The following GRAMD1B variants were observed in gnomAD, a reference collection of about 807,000 sequenced individuals.
The protein encoded by GRAMD1B is GRAM domain containing 1B.
A neutral mutation model predicts 99.7 loss-of-function variants in GRAMD1B; 37 were observed. The observed-to-expected ratio is 0.37, with a 90% CI of 0.29 to 0.49. The LOEUF is 0.49. GRAMD1B is among the 20% of genes least tolerant of loss of function. The pLI is 0.98. For synonymous variants in GRAMD1B, 427 were observed against 387.6 expected (o/e 1.10, Z -1.19); for missense variants, 888 against 1,009.2 (o/e 0.88, Z 1.63).
At chr11:123,480,568 G>C (rs868784755) in intron 1 of GRAMD1B, among the ~76,000 whole-genome samples, 1 of 152,142 alleles carries the variant, frequency 6.6e-6, no homozygotes, top group African/African-American at 2.4e-5. Context: ...GTAGCAGGGC[G>C]AGATGGGCCT....
At chr11:123,432,035 G>A (rs897031764) in intron 1 of GRAMD1B, 8 of 398,504 alleles carry the variant, frequency 2.0e-5, no homozygotes, top group Non-Finnish European at 3.5e-5. Context: ...TCTCTTAATG[G>A]ATTTGTGTTC....
intron 2 of GRAMD1B, among the ~76,000 whole-genome samples, chr11:123,513,604 TCC>T (rs1941336871): frequency 8.7e-6 from 1 of 115,180 alleles, no homozygotes; most frequent in African/African-American, 3.5e-5. Flanking sequence ...CTTCCTTCCT[TCC>T]TTCCTTCCTT....
At chr11:123,583,289 GGTGTGTGTGAAT>G (rs1565412239) in intron 3 of GRAMD1B, among the ~76,000 whole-genome samples, 2 of 149,756 alleles carry the variant, frequency 1.3e-5, no homozygotes, top group Non-Finnish European at 3.0e-5. Flanking sequence ...ATGTGTGTGT[GGTGTGTGTGAAT>G]GTGTGTGTGC....
chr11:123,516,657 C>T (rs910502215), intron 2 of GRAMD1B, among the ~76,000 whole-genome samples: 4 of 152,032 alleles, frequency 2.6e-5, no homozygotes, highest in Admixed American at 6.5e-5. Flanking sequence ...CACCATTACT[C>T]GTCTGTTGAT....
In GRAMD1B at chr11:123,603,446, C is replaced by G. The variant is rs1952254205; in HGVS notation, c.1071C>G (p.Leu357=). ...TGAAGCCTCTGTGTCCCAAGGAGCT[C>G]TGGCACTTTGTTCACCAGTGCTATG... is the stretch of plus-strand genomic sequence containing the variant. ...LLEKPLCPKE[L]WHFVHQCYGN... The change falls in exon 9 of 20, where the codon CTC becomes CTG. Residue 357 remains leucine (L), a synonymous_variant. Transcript: ENST00000635736. The G allele has an allele frequency of 6.2e-7, 1 of 1,611,492 alleles. No individual in the cohort carries two copies. Among genetic ancestry groups the G allele is most frequent in the African/African-American group, 1.3e-5 (1 of 75,018 alleles).
intron 2 of GRAMD1B, among the ~76,000 whole-genome samples, chr11:123,532,705 T>C (rs1371976340): frequency 6.6e-6 from 1 of 152,246 alleles, no homozygotes; most frequent in Non-Finnish European, 1.5e-5. Context: ...AGAATGTTTC[T>C]TTACCTTTTT....
At chr11:123,469,270 G>A (rs1297039035) in intron 1 of GRAMD1B, among the ~76,000 whole-genome samples, 3 of 152,132 alleles carry the variant, frequency 2.0e-5, no homozygotes, top group African/African-American at 7.2e-5. Flanking sequence ...TTTTAAGCCA[G>A]GAAGAGACAT....
intron 14 of GRAMD1B, among the ~76,000 whole-genome samples, chr11:123,611,114 T>A (rs1403658435): frequency 6.6e-6 from 1 of 152,140 alleles, no homozygotes; most frequent in Non-Finnish European, 1.5e-5. Context: ...TAGTAAAAGG[T>A]CGCACAGAGA....
At chr11:123,604,072 G>A (rs939718811) in intron 9 of GRAMD1B, among the ~76,000 whole-genome samples, 6 of 152,214 alleles carry the variant, frequency 3.9e-5, no homozygotes, top group Admixed American at 2.6e-4. Flanking sequence ...GGACAGTACT[G>A]TAGGCAAAGC....
chr11:123,455,308 G>T (rs1662998770), intron 1 of GRAMD1B, among the ~76,000 whole-genome samples: 2 of 151,922 alleles, frequency 1.3e-5, no homozygotes, highest in South Asian at 2.1e-4. Context: ...AAAAACGAGG[G>T]TCTTACTATG....
rs73605984 is a variant in GRAMD1B, at chr11:123,410,117, T to C, written c.-176+51318T>C. ...CTGCAGGCGGCTGAGACTATGAGGT[T>C]TATGATTATGAGGTCAGGGACCAGC... On this transcript the variant is annotated intron_variant, in intron 1 of 20. Coordinates refer to the GRAMD1B transcript ENST00000638157. Among the ~76,000 whole-genome samples, 730 of 152,162 alleles carry C rather than the reference T, an allele frequency of 4.8e-3. 6 individuals carry two copies. The highest frequency in any genetic ancestry group is 0.016 in the African/African-American group (683 of 41,504).
intron 2 of GRAMD1B, among the ~76,000 whole-genome samples, chr11:123,571,440 C>G (rs1476339506): frequency 1.3e-5 from 2 of 152,180 alleles, no homozygotes; most frequent in African/African-American, 4.8e-5. Flanking sequence ...TCCCTTTTCT[C>G]AAGGACATCA....
intron 2 of GRAMD1B, among the ~76,000 whole-genome samples, chr11:123,567,271 A>G (rs1177559403): frequency 6.6e-6 from 1 of 152,222 alleles, no homozygotes; most frequent in East Asian, 1.9e-4. Flanking sequence ...GTTGGATTCT[A>G]TAAGAAGTTG....
intron 3 of GRAMD1B, among the ~76,000 whole-genome samples, chr11:123,583,279 ATGTG>A (rs535007705): frequency 7.3e-6 from 1 of 137,248 alleles, no homozygotes; most frequent in Non-Finnish European, 1.6e-5. Flanking sequence ...GTGTGTGTGC[ATGTG>A]TGTGTGGTGT....
intron 2 of GRAMD1B, among the ~76,000 whole-genome samples, chr11:123,576,269 G>A (rs539194639): frequency 1.3e-5 from 2 of 152,198 alleles, no homozygotes; most frequent in Admixed American, 6.5e-5. Context: ...CCTGCAGGGG[G>A]GTCCAGGGTG....
chr11:123,373,537 A>C (rs1310911317), intron 1 of GRAMD1B, among the ~76,000 whole-genome samples: 1 of 152,218 alleles, frequency 6.6e-6, no homozygotes, highest in East Asian at 1.9e-4. Context: ...AACAGGGACC[A>C]AGGAAATGTC....
At chr11:123,466,447 A>C (rs1158725828) in intron 1 of GRAMD1B, among the ~76,000 whole-genome samples, 1 of 145,924 alleles carries the variant, frequency 6.9e-6, no homozygotes. Flanking sequence ...AGAAAGAAAG[A>C]AAGAGAAAGA....
chr11:123,456,959 A>G (rs1368974477), intron 1 of GRAMD1B, among the ~76,000 whole-genome samples: 2 of 149,068 alleles, frequency 1.3e-5, no homozygotes, highest in Non-Finnish European at 3.0e-5. Context: ...GAAAGAAAGA[A>G]CTAGGTGTGG....
At chr11:123,367,086 G>C (rs529513911) in intron 1 of GRAMD1B, among the ~76,000 whole-genome samples, 5 of 152,044 alleles carry the variant, frequency 3.3e-5, no homozygotes, top group African/African-American at 9.6e-5. Flanking sequence ...GTCTGTAGTC[G>C]TAGCTACTTG....
Sources: allele counts gnomAD v4.1 joint callset (sites outside exome capture counted in the v4.1 genomes callset), GRCh38; gene constraint gnomAD v4.1.1; transcripts MANE v1.5; gene names NCBI Gene and HGNC (gene_info 2026-07-23, HGNC 2026-07-21).